NEGR1: variants seen among roughly 807,000 people sequenced by gnomAD.
NEGR1 encodes neuronal growth regulator 1.
A neutral mutation model predicts 40.9 loss-of-function variants in NEGR1; 10 were observed. The observed-to-expected ratio is 0.24, with a 90% CI of 0.15 to 0.42. NEGR1 has a LOEUF of 0.42. Among genes scored for constraint, NEGR1 ranks in the 10% least tolerant of loss-of-function variants. NEGR1 has a pLI of 1.00. For missense variants in NEGR1, 352 were observed against 438.9 expected (o/e 0.80, Z 1.77); for synonymous variants, 185 against 166.8 (o/e 1.11, Z -0.84).
chr1:71,583,562 T>C (rs1191214723), intron 6 of NEGR1, among the ~76,000 whole-genome samples: 1 of 152,216 alleles, frequency 6.6e-6, no homozygotes, highest in Non-Finnish European at 1.5e-5. Flanking sequence ...AAAAAATGTG[T>C]TTACTTAGTT....
intron 1 of NEGR1, among the ~76,000 whole-genome samples, chr1:72,093,903 T>C (rs376417407): frequency 1.0e-3 from 159 of 152,292 alleles, no homozygotes; most frequent in African/African-American, 3.5e-3. Flanking sequence ...TCAAAACAGA[T>C]AGGAAATCAC....
chr1:72,186,674 A>T (rs1243740193), intron 1 of NEGR1, among the ~76,000 whole-genome samples: 1 of 151,654 alleles, frequency 6.6e-6, no homozygotes, highest in Non-Finnish European at 1.5e-5. Flanking sequence ...ATCTGGTCTC[A>T]ATCTGAGGCT....
intron 4 of NEGR1, among the ~76,000 whole-genome samples, chr1:71,666,259 T>C (rs1570172029): frequency 6.6e-6 from 1 of 152,324 alleles, no homozygotes; most frequent in East Asian, 1.9e-4. Flanking sequence ...AAAATGCTTT[T>C]TTAGGATTTT....
At chr1:71,750,739 G>A (rs1318007055) in intron 3 of NEGR1, among the ~76,000 whole-genome samples, 2 of 151,926 alleles carry the variant, frequency 1.3e-5, no homozygotes, top group Non-Finnish European at 2.9e-5. Flanking sequence ...ATTTGGGTGG[G>A]GACACAGCCA....
chr1:72,130,066 A>G (rs1199011067), intron 1 of NEGR1, among the ~76,000 whole-genome samples: 1 of 152,158 alleles, frequency 6.6e-6, no homozygotes, highest in African/African-American at 2.4e-5. Context: ...AAGTCTCTTA[A>G]TGCTTCATAT....
intron 5 of NEGR1, among the ~76,000 whole-genome samples, chr1:71,594,294 T>TC (rs1649610306): frequency 3.3e-5 from 5 of 152,208 alleles, no homozygotes; most frequent in Admixed American, 3.3e-4. Context: ...TAGTAGTTTT[T>TC]CTCTCTTTAA....
intron 1 of NEGR1, among the ~76,000 whole-genome samples, chr1:72,184,036 C>T (rs1379042348): frequency 1.3e-5 from 2 of 151,886 alleles, no homozygotes; most frequent in South Asian, 2.1e-4. Context: ...ATTGAACAGC[C>T]GTATATAAGA....
At chr1:71,667,301 C>A (rs1482558709) in intron 4 of NEGR1, among the ~76,000 whole-genome samples, 2 of 152,172 alleles carry the variant, frequency 1.3e-5, no homozygotes. Context: ...GCCACAATGA[C>A]AGTCAAATCT....
intron 1 of NEGR1, among the ~76,000 whole-genome samples, chr1:72,201,326 ATATT>A (rs1379035614): frequency 6.6e-6 from 1 of 150,924 alleles, no homozygotes; most frequent in Non-Finnish European, 1.5e-5. Flanking sequence ...ATTTTATTTT[ATATT>A]TATTTTATTT....
At chr1:71,871,980 T>C (rs1463003539) in intron 2 of NEGR1, among the ~76,000 whole-genome samples, 1 of 152,186 alleles carries the variant, frequency 6.6e-6, no homozygotes, top group Non-Finnish European at 1.5e-5. Flanking sequence ...AATCAAATAC[T>C]TTCAGCAGAC....
intron 2 of NEGR1, among the ~76,000 whole-genome samples, chr1:71,901,507 C>G (rs1240196164): frequency 6.6e-6 from 1 of 151,932 alleles, no homozygotes; most frequent in Non-Finnish European, 1.5e-5. Flanking sequence ...AATGAACAAT[C>G]AATTTCATTG....
chr1:71,773,800 C>T (rs1015633726), intron 3 of NEGR1, among the ~76,000 whole-genome samples: 3 of 152,150 alleles, frequency 2.0e-5, no homozygotes, highest in African/African-American at 7.2e-5. Flanking sequence ...TAAACCCAAT[C>T]TGTCTTCTTT....
At chr1:72,146,978 C>T (rs1054075979) in intron 1 of NEGR1, among the ~76,000 whole-genome samples, 3 of 152,144 alleles carry the variant, frequency 2.0e-5, no homozygotes, top group African/African-American at 7.2e-5. Flanking sequence ...ATATTCTCTT[C>T]ATTGACCTAC....
chr1:72,150,805 T>A (rs1345308570), intron 1 of NEGR1, among the ~76,000 whole-genome samples: 1 of 152,054 alleles, frequency 6.6e-6, no homozygotes, highest in Non-Finnish European at 1.5e-5. Flanking sequence ...AAAATGGTAA[T>A]TTTACTTATT....
intron 1 of NEGR1, among the ~76,000 whole-genome samples, chr1:72,039,377 T>C (rs1646932347): frequency 6.6e-6 from 1 of 151,904 alleles, no homozygotes; most frequent in South Asian, 2.1e-4. Context: ...GGTGTGGAGA[T>C]GCCACTAAAG....
chr1:71,561,231 C>T (rs187675855), intron 6 of NEGR1, among the ~76,000 whole-genome samples: 1 of 151,774 alleles, frequency 6.6e-6, no homozygotes, highest in East Asian at 2.0e-4. Flanking sequence ...AAGCAAGCCC[C>T]TAACAAAGAT....
intron 4 of NEGR1, 66 bp from the exon 5 acceptor site, chr1:71,611,212 C>T (rs182424786): frequency 1.6e-4 from 228 of 1,427,194 alleles, no homozygotes; most frequent in Non-Finnish European, 3.9e-6. Context: ...AGAAATATGA[C>T]ACACATATAT....
intron 6 of NEGR1, among the ~76,000 whole-genome samples, chr1:71,442,211 G>T (rs1646551542): frequency 7.0e-6 from 1 of 142,066 alleles, no homozygotes; most frequent in African/African-American, 2.6e-5. Flanking sequence ...AAAACACAAT[G>T]GCAAGGTAGC....
chr1:71,853,802 C>A (rs896466329), intron 2 of NEGR1, among the ~76,000 whole-genome samples: 1 of 152,062 alleles, frequency 6.6e-6, no homozygotes, highest in African/African-American at 2.4e-5. Flanking sequence ...AAAAGTTGTG[C>A]TGTTATTTGG....
Sources: gnomAD v4.1 joint callset for allele counts (sites outside exome capture counted in the v4.1 genomes callset) on GRCh38, gnomAD v4.1.1 for gene constraint, MANE v1.5 for transcripts, NCBI Gene and HGNC (gene_info 2026-07-23, HGNC 2026-07-21) for gene names.